The following KANK1 variants were observed in gnomAD, a reference collection of about 807,000 sequenced individuals.
The protein encoded by KANK1 is KN motif and ankyrin repeat domains 1, also known as KN motif and ankyrin repeat domain-containing protein 1.
Under a neutral mutation model 106.2 loss-of-function variants are expected in KANK1, and 109 were observed. The observed-to-expected ratio is 1.03, with a 90% CI of 0.88 to 1.20. The LOEUF (loss-of-function observed/expected upper bound fraction) is 1.20, where lower values mean the gene tolerates loss of function less well. Among genes scored for constraint, KANK1 ranks in the 50% most tolerant of loss-of-function variants. The pLI is 0.00. For missense variants in KANK1, 2,399 were observed against 1,710.7 expected, an observed-to-expected ratio of 1.40 and a Z score of -7.10; for synonymous variants, 873 against 652.2, an observed-to-expected ratio of 1.34 and a Z score of -5.16.
intron 1 of KANK1, among the ~76,000 whole-genome samples, chr9:670,666 C>T (rs13298596): frequency 0.24 from 36,950 of 152,048 alleles, 5,748 homozygotes; most frequent in South Asian, 0.45. Context: ...CAGAGCGGAG[C>T]TTCCAGGGCT....
At chr9:571,578 A>T (rs11790532) in intron 1 of KANK1, among the ~76,000 whole-genome samples, 35,155 of 151,680 alleles carry the variant, frequency 0.23, 4,243 homozygotes, top group East Asian at 0.35. Flanking sequence ...AAAAAAAAAA[A>T]TTTTAAAAAC....
chr9:636,559 T>A (rs1290040238), intron 1 of KANK1, among the ~76,000 whole-genome samples: 1 of 152,150 alleles, frequency 6.6e-6, no homozygotes, highest in South Asian at 2.1e-4. Context: ...GGGCATTCTG[T>A]CCTGTACACC....
In KANK1 at chr9:662,665, A is replaced by ATTTTTT. The variant is rs34481151; in HGVS notation, c.-83-14216_-83-14211dup. On this transcript the variant is annotated intron_variant, in intron 1 of 11. Transcript: ENST00000382297. ...TTCCTTACACCTTATACAAAAGTTA[A>ATTTTTT]TTTTTTTTTTTTTTGAGACAGGGTC... is the stretch of plus-strand genomic sequence containing the variant. Among the ~76,000 whole-genome samples the ATTTTTT allele has an allele frequency of 1.4e-3, 199 of 141,774 alleles. 5 individuals carry two copies. The East Asian group carries it at 0.018, about 12-fold the overall frequency. The allele number at this position is 141,774 out of a possible 152,430, so 93.0% of individuals were successfully genotyped here.
At chr9:718,266 C>G (rs1488362336) in intron 3 of KANK1, among the ~76,000 whole-genome samples, 1 of 140,032 alleles carries the variant, frequency 7.1e-6, no homozygotes, top group Non-Finnish European at 1.5e-5. Context: ...GAGCTGACCT[C>G]TCATACTGGC....
At chr9:743,692 C>G (rs556921937) in intron 10 of KANK1, among the ~76,000 whole-genome samples, 1 of 151,926 alleles carries the variant, frequency 6.6e-6, no homozygotes, top group African/African-American at 2.4e-5. Flanking sequence ...TAGTGAGACT[C>G]CCATCTCTAC....
chr9:701,680 CA>C (rs1256295417), intron 2 of KANK1, among the ~76,000 whole-genome samples: 1 of 152,114 alleles, frequency 6.6e-6, no homozygotes, highest in East Asian at 1.9e-4. Flanking sequence ...AAATCACCTC[CA>C]TGCCTCGTTT....
intron 1 of KANK1, among the ~76,000 whole-genome samples, chr9:657,841 A>G (rs747855020): frequency 2.0e-4 from 30 of 151,898 alleles, no homozygotes; most frequent in Non-Finnish European, 3.2e-4. Flanking sequence ...ACAAGAAAAT[A>G]TGGGAAATTT....
intron 1 of KANK1, among the ~76,000 whole-genome samples, chr9:550,273 C>G (rs1183617823): frequency 1.3e-5 from 2 of 151,964 alleles, no homozygotes; most frequent in Non-Finnish European, 2.9e-5. Flanking sequence ...AAGCTCCAAT[C>G]TTAACTGGGT....
intron 1 of KANK1, among the ~76,000 whole-genome samples, chr9:632,267 C>T (rs1296360808): frequency 6.6e-6 from 1 of 152,028 alleles, no homozygotes; most frequent in Admixed American, 6.5e-5. Context: ...AAATTGCATG[C>T]CCCTAGATTT....
At chr9:620,270 C>T (rs1406516425) in intron 1 of KANK1, among the ~76,000 whole-genome samples, 1 of 152,172 alleles carries the variant, frequency 6.6e-6, no homozygotes, top group Non-Finnish European at 1.5e-5. Context: ...TAATCACATC[C>T]ATTCCTTTCC....
intron 1 of KANK1, among the ~76,000 whole-genome samples, chr9:668,367 T>C (rs1273443632): frequency 1.3e-5 from 2 of 152,216 alleles, no homozygotes; most frequent in African/African-American, 4.8e-5. Context: ...TCTCTTTGTA[T>C]CTATTAATGT....
At chr9:608,895 A>G (rs1829943692) in intron 1 of KANK1, among the ~76,000 whole-genome samples, 1 of 152,230 alleles carries the variant, frequency 6.6e-6, no homozygotes, top group African/African-American at 2.4e-5. Context: ...AGATGCATTC[A>G]TACACATTGC....
At chr9:687,685 C>G (rs923752300) in intron 2 of KANK1, among the ~76,000 whole-genome samples, 5 of 151,886 alleles carry the variant, frequency 3.3e-5, no homozygotes, top group Admixed American at 2.6e-4. Context: ...CCCTTCTTAT[C>G]CTTCAAGTCT....
chr9:543,999 T>C (rs990371554), intron 1 of KANK1, among the ~76,000 whole-genome samples: 4 of 151,986 alleles, frequency 2.6e-5, no homozygotes, highest in African/African-American at 9.7e-5. Flanking sequence ...ACATTTCATG[T>C]TCTATTTTAT....
chr9:530,221 C>A (rs768652182), intron 1 of KANK1, among the ~76,000 whole-genome samples: 6 of 151,978 alleles, frequency 3.9e-5, no homozygotes, highest in Non-Finnish European at 7.4e-5. Flanking sequence ...TTACATTTTT[C>A]CATGTTGGTG....
intron 1 of KANK1, among the ~76,000 whole-genome samples, chr9:655,400 T>C (rs1023165130): frequency 2.1e-5 from 3 of 144,352 alleles, no homozygotes; most frequent in African/African-American, 5.1e-5. Context: ...AATCCAAGAT[T>C]GTGAACCATT....
At chr9:599,129 C>T (rs1588133848) in intron 1 of KANK1, among the ~76,000 whole-genome samples, 1 of 149,326 alleles carries the variant, frequency 6.7e-6, no homozygotes, top group African/African-American at 2.5e-5. Context: ...AGCAATTCTC[C>T]TGCCTCAGCC....
At chr9:656,725 C>T (rs1563936103) in intron 1 of KANK1, among the ~76,000 whole-genome samples, 2 of 152,024 alleles carry the variant, frequency 1.3e-5, no homozygotes, top group Admixed American at 1.3e-4. Flanking sequence ...AGCAGGAGAG[C>T]CTGTGACAAT....
intron 1 of KANK1, among the ~76,000 whole-genome samples, chr9:567,363 C>A (rs1160116982): frequency 6.6e-6 from 1 of 152,160 alleles, no homozygotes; most frequent in Non-Finnish European, 1.5e-5. Context: ...TAACCCTAAC[C>A]TTGTGGTGTT....
Sources: allele counts gnomAD v4.1 joint callset (sites outside exome capture counted in the v4.1 genomes callset), GRCh38; gene constraint gnomAD v4.1.1; transcripts MANE v1.5; gene names NCBI Gene and HGNC (gene_info 2026-07-23, HGNC 2026-07-21).